Variants in LRP1B observed in about 807,000 individuals in gnomAD.
The protein encoded by LRP1B is LDL receptor related protein 1B.
In LRP1B, 217 loss-of-function variants were observed where a neutral mutation model predicts 556.6. The ratio of observed to expected loss-of-function variants is 0.39; its 90% confidence interval spans 0.35 to 0.44. The LOEUF is 0.44. LRP1B is among the 20% of genes least tolerant of loss of function. The probability of loss-of-function intolerance (pLI) is 1.00; values close to 1 mark genes in which losing one functional copy is unlikely to be tolerated. For synonymous variants in LRP1B, 2,047 were observed against 1,865.8 expected, an observed-to-expected ratio of 1.10 and a Z score of -2.50; for missense variants, 5,053 against 5,620.8, an observed-to-expected ratio of 0.90 and a Z score of 3.23.
At chr2:140,772,868 G>A (rs1689363802) in intron 33 of LRP1B, among the ~76,000 whole-genome samples, 2 of 152,196 alleles carry the variant, frequency 1.3e-5, no homozygotes, top group Non-Finnish European at 2.9e-5. Flanking sequence ...CATTTTGGGA[G>A]GTGAAGGCAG....
At chr2:141,977,371 A>C in intron 1 of LRP1B, among the ~76,000 whole-genome samples, 1 of 152,130 alleles carries the variant, frequency 6.6e-6, no homozygotes, top group East Asian at 1.9e-4. Context: ...CAGGAGTTCA[A>C]GACCAGCCTG....
At chr2:142,009,347 C>G (rs144748006) in intron 1 of LRP1B, among the ~76,000 whole-genome samples, 77 of 152,142 alleles carry the variant, frequency 5.1e-4, no homozygotes, top group African/African-American at 1.8e-3. Flanking sequence ...TATATACAAC[C>G]GAGATGTCCT....
At chr2:140,393,743 G>T (rs1274701930) in intron 66 of LRP1B, among the ~76,000 whole-genome samples, 2 of 152,114 alleles carry the variant, frequency 1.3e-5, no homozygotes, top group African/African-American at 4.8e-5. Flanking sequence ...AATCATGGCA[G>T]CTCCTTTTTC....
rs2105059215 is a variant in LRP1B, at chr2:140,323,965, C to T, written c.12442G>A (p.Val4148Ile). ...TCAATATTTAAAGCTAAGTACTCTA[C>T]TGAACCATGGCCAAATTTTTGAACT... ...FRVQKFGHGS[V>I]EYLALNIDKT... Residue 4148 changes from valine to isoleucine, a missense_variant, in exon 81 of 91, where the codon GTA becomes ATA. Around this residue, in one of 5 missense-constraint regions of LRP1B, gnomAD observed 551 missense variants for 592.0 expected, o/e 0.93. Transcript: ENST00000389484. 1 of 1,604,190 alleles carries T rather than the reference C, an allele frequency of 6.2e-7. No individual in the cohort carries two copies. The highest frequency in any genetic ancestry group is 1.1e-5 in the South Asian group (1 of 90,856).
intron 10 of LRP1B, among the ~76,000 whole-genome samples, chr2:141,054,570 T>C (rs1699126108): frequency 7.1e-6 from 1 of 140,806 alleles, no homozygotes; most frequent in Admixed American, 7.5e-5. Flanking sequence ...TAGAAAACTT[T>C]TTGATAAAAT....
chr2:140,533,470 T>G (rs1467592950), intron 47 of LRP1B, among the ~76,000 whole-genome samples: 1 of 152,152 alleles, frequency 6.6e-6, no homozygotes, highest in South Asian at 2.1e-4. Context: ...TTAAACAGTA[T>G]TAGCATGACT....
intron 1 of LRP1B, among the ~76,000 whole-genome samples, chr2:142,115,578 ATGTAATATATATAT>A: frequency 2.2e-5 from 1 of 45,700 alleles, no homozygotes; most frequent in Non-Finnish European, 4.2e-5. Context: ...TATATTATAT[ATGTAATATATATAT>A]TATATATGTA....
Position 140,904,892 on chromosome 2 carries a change from C to T in LRP1B, c.3521-1727G>A, listed in dbSNP as rs1549708. Among the ~76,000 whole-genome samples, 372 of 152,120 alleles carry T rather than the reference C, an allele frequency of 2.4e-3. 1 individual carries two copies. Among genetic ancestry groups the T allele is most frequent in the African/African-American group, 8.7e-3 (363 of 41,516 alleles). On this transcript the variant is annotated intron_variant, in intron 22 of 90. Transcript: ENST00000389484. Reference sequence around the variant, plus strand: ...TGCTTTTAGCTTATTTCAAGTGTCACGGTTTTCTCAGTACTGAAGTGTCTC... The same window carrying T: ...TGCTTTTAGCTTATTTCAAGTGTCATGGTTTTCTCAGTACTGAAGTGTCTC...
At chr2:141,297,602 A>C (rs1451048534) in intron 3 of LRP1B, among the ~76,000 whole-genome samples, 1 of 152,146 alleles carries the variant, frequency 6.6e-6, no homozygotes, top group African/African-American at 2.4e-5. Context: ...CTTTCTTCAT[A>C]AGGCCTTCCT....
chr2:140,682,071 T>C (rs1402920109), intron 41 of LRP1B, among the ~76,000 whole-genome samples: 1 of 152,218 alleles, frequency 6.6e-6, no homozygotes, highest in Non-Finnish European at 1.5e-5. Flanking sequence ...CTTAATATTA[T>C]TTTCAGAAAA....
At chr2:141,251,017 A>G (rs1221418855) in intron 4 of LRP1B, among the ~76,000 whole-genome samples, 1 of 152,206 alleles carries the variant, frequency 6.6e-6, no homozygotes, top group Non-Finnish European at 1.5e-5. Context: ...AACTTACTAC[A>G]TATACAAATT....
intron 44 of LRP1B, 141 bp from the exon 45 acceptor site, chr2:140,541,239 T>C (rs972246578): frequency 2.8e-6 from 2 of 703,938 alleles, no homozygotes; most frequent in African/African-American, 1.8e-5. Context: ...TTTTTGAAAA[T>C]CTAAGCATTC....
intron 2 of LRP1B, among the ~76,000 whole-genome samples, chr2:141,592,599 G>A (rs79272324): frequency 0.043 from 6,545 of 152,134 alleles, 206 homozygotes; most frequent in Non-Finnish European, 0.067. Flanking sequence ...AATGATCACC[G>A]GACACAGAAG....
intron 1 of LRP1B, among the ~76,000 whole-genome samples, chr2:141,885,266 G>A (rs2104901723): frequency 6.6e-6 from 1 of 152,228 alleles, no homozygotes; most frequent in African/African-American, 2.4e-5. Flanking sequence ...AAGAATGATG[G>A]CAGGCTTTTT....
chr2:141,832,131 C>A (rs1342011749), intron 1 of LRP1B, among the ~76,000 whole-genome samples: 3 of 151,534 alleles, frequency 2.0e-5, no homozygotes, highest in Admixed American at 2.0e-4. Flanking sequence ...GAAATAATAG[C>A]CTTTGCTGAG....
chr2:142,113,322 C>T (rs1707069059), intron 1 of LRP1B, among the ~76,000 whole-genome samples: 1 of 152,096 alleles, frequency 6.6e-6, no homozygotes, highest in South Asian at 2.1e-4. Flanking sequence ...CTCTGTTTCT[C>T]ACTACCTTAC....
intron 3 of LRP1B, among the ~76,000 whole-genome samples, chr2:141,474,241 T>A (rs62166300): frequency 0.45 from 67,431 of 151,428 alleles, 15,230 homozygotes; most frequent in Non-Finnish European, 0.49. Flanking sequence ...TGGAGTTCTG[T>A]AAAACCTCTA....
chr2:141,657,918 T>C (rs1690075017), intron 2 of LRP1B, among the ~76,000 whole-genome samples: 1 of 152,194 alleles, frequency 6.6e-6, no homozygotes, highest in African/African-American at 2.4e-5. Context: ...TCCCATCCTT[T>C]CTATTAATTG....
intron 7 of LRP1B, among the ~76,000 whole-genome samples, chr2:141,138,277 A>G (rs968523600): frequency 3.3e-5 from 5 of 152,004 alleles, no homozygotes; most frequent in African/African-American, 1.2e-4. Flanking sequence ...TCAAATAGAT[A>G]ACGGGATTTT....
Sources: gnomAD v4.1 joint callset for allele counts (sites outside exome capture counted in the v4.1 genomes callset) on GRCh38, gnomAD v4.1.1 for gene constraint, gnomAD v4.1.1 regional missense constraint, MANE v1.5 for transcripts, NCBI Gene and HGNC (gene_info 2026-07-23, HGNC 2026-07-21) for gene names.